WDFY4: variants seen among roughly 807,000 people sequenced by gnomAD.
WDFY4 encodes WD repeat- and FYVE domain-containing protein 4.
WDFY4 carries 169 observed loss-of-function variants against 351.9 expected under a neutral mutation model. The observed-to-expected ratio is 0.48, with a 90% confidence interval of 0.42 to 0.55. The LOEUF is 0.55. Ranked by LOEUF, WDFY4 falls within the 20% of genes least tolerant of loss-of-function variation. The probability of loss-of-function intolerance (pLI) is 0.00; values close to 1 mark genes in which losing one functional copy is unlikely to be tolerated. For synonymous variants in WDFY4, 1,622 were observed against 1,574.6 expected, an observed-to-expected ratio of 1.03 and a Z score of -0.71; for missense variants, 3,803 against 3,935.6, an observed-to-expected ratio of 0.97 and a Z score of 0.90.
chr10:48,849,808 C>T (rs1044828308), intron 39 of WDFY4, among the ~76,000 whole-genome samples: 1 of 152,162 alleles, frequency 6.6e-6, no homozygotes, highest in African/African-American at 2.4e-5. Flanking sequence ...ATTTTAATTT[C>T]ATCATATTTA....
chr10:48,696,754 A>G (rs1310537774), intron 1 of WDFY4, among the ~76,000 whole-genome samples: 1 of 152,214 alleles, frequency 6.6e-6, no homozygotes, highest in Non-Finnish European at 1.5e-5. Flanking sequence ...AGATTTTAAG[A>G]GCTTCGAGGC....
chr10:48,768,519 C>T (rs960073608), intron 13 of WDFY4, among the ~76,000 whole-genome samples: 1 of 152,170 alleles, frequency 6.6e-6, no homozygotes, highest in Non-Finnish European at 1.5e-5. Context: ...CTTCATTATC[C>T]TTCAACGCTT....
intron 60 of WDFY4, 27 bp downstream of exon 60, chr10:48,978,420 G>A (rs547084182): frequency 2.8e-5 from 43 of 1,536,738 alleles, no homozygotes; most frequent in South Asian, 2.7e-4. Flanking sequence ...GGATGTGGCC[G>A]TCCTGGCCTT....
intron 57 of WDFY4, among the ~76,000 whole-genome samples, chr10:48,971,802 A>G (rs1842350293): frequency 6.6e-6 from 1 of 152,188 alleles, no homozygotes; most frequent in Non-Finnish European, 1.5e-5. Context: ...TGTACAGGCA[A>G]CAGGCAGGTG....
intron 47 of WDFY4, among the ~76,000 whole-genome samples, chr10:48,938,479 A>G (rs1589952846): frequency 6.6e-6 from 1 of 152,258 alleles, no homozygotes; most frequent in Non-Finnish European, 1.5e-5. Flanking sequence ...CTGCTCTGCC[A>G]GCCCCCGATG....
At chr10:48,897,430 C>T (rs1292602732) in intron 44 of WDFY4, 24 bp from the exon 45 acceptor site, 13 of 1,547,568 alleles carry the variant, frequency 8.4e-6, no homozygotes, top group African/African-American at 1.4e-5. Context: ...GAACATGTGC[C>T]CTGCATGCCT....
At chr10:48,933,471 C>T (rs773270611) in intron 47 of WDFY4, among the ~76,000 whole-genome samples, 30 of 152,184 alleles carry the variant, frequency 2.0e-4, no homozygotes, top group Non-Finnish European at 4.1e-4. Flanking sequence ...GCTCTCTTGG[C>T]CGCCAGTGGC....
At chr10:48,982,254 C>T (rs1842841121) in intron 61 of WDFY4, among the ~76,000 whole-genome samples, 2 of 152,180 alleles carry the variant, frequency 1.3e-5, no homozygotes, top group African/African-American at 2.4e-5. Flanking sequence ...GGCACGGCCT[C>T]GTCCTGTTCC....
At position 48,742,875 on chromosome 10, in the gene WDFY4, A is replaced by G. The variant is rs577402241; in HGVS notation, c.1879-93A>G. On this transcript the variant is annotated intron_variant, in intron 11 of 61. Transcript: ENST00000325239. ...TTGTTGGCCTGAAGTCGTTGAGGGA[A>G]GAGCTAGTGGGACGCTCTGGCAGGA... is the stretch of plus-strand genomic sequence containing the variant. 1.8e-5 allele frequency: 22 copies of G among 1,191,064 alleles called. No individual in the cohort carries two copies. The East Asian group carries it at 5.7e-4, about 31-fold the overall frequency. 73.8% of individuals were successfully genotyped at this position (1,191,064 alleles called of 1,614,324 possible). A position where few individuals can be genotyped will look rare whatever the true frequency, so the allele number is the denominator to read the frequency against.
chr10:48,707,110 G>A (rs1375403057), intron 1 of WDFY4, among the ~76,000 whole-genome samples: 1 of 152,142 alleles, frequency 6.6e-6, no homozygotes, highest in African/African-American at 2.4e-5. Context: ...ATAAGCAAAG[G>A]TTATGAGTAG....
chr10:48,973,110 C>T (rs777545297), intron 57 of WDFY4, among the ~76,000 whole-genome samples: 1 of 152,184 alleles, frequency 6.6e-6, no homozygotes, highest in Non-Finnish European at 1.5e-5. Context: ...AGCAGGCAGA[C>T]TTGGTTCCAC....
intron 41 of WDFY4, among the ~76,000 whole-genome samples, chr10:48,874,665 T>TA (rs1439295959): frequency 2.0e-5 from 3 of 151,884 alleles, no homozygotes; most frequent in Admixed American, 1.3e-4. Flanking sequence ...AAATAAAAAA[T>TA]AAAAAAAATA....
rs748842257 is a variant in WDFY4, at chr10:48,914,065, G to A, written c.7586+12202G>A. ...ATTCCCATCTTGCTCAAGTCAAGGC[G>A]CTTTTTCCCATCAAAAGTGATTTTG... On this transcript the variant is annotated intron_variant, in intron 47 of 61. Transcript: ENST00000325239. The A allele has an allele frequency of 1.1e-5, 17 of 1,614,004 alleles. No individual in the cohort carries two copies. In the African/African-American group the frequency reaches 1.1e-4, roughly 10 times the overall value.
In WDFY4 at chr10:48,890,576, C is replaced by T. The variant is rs1445400766; in HGVS notation, c.7168-3C>T. 1.3e-6 allele frequency: 2 copies of T among 1,551,720 alleles called. No individual in the cohort carries two copies. The highest frequency in any genetic ancestry group is 1.7e-6 in the Non-Finnish European group (2 of 1,146,982). On this transcript the variant is annotated splice_region_variant and splice_polypyrimidine_tract_variant and intron_variant, in intron 43 of 61. Transcript: ENST00000325239. Reference sequence around the variant, plus strand: ...ACCTGACTCTGCCACTCTCTCCTTCCAGGTGACGCAGAAGTTCTCCCTGGT... The same window carrying T: ...ACCTGACTCTGCCACTCTCTCCTTCTAGGTGACGCAGAAGTTCTCCCTGGT...
chr10:48,830,498 G>A (rs1425677509), intron 37 of WDFY4, among the ~76,000 whole-genome samples: 1 of 152,198 alleles, frequency 6.6e-6, no homozygotes, highest in Non-Finnish European at 1.5e-5. Context: ...AGGCCAGCTT[G>A]CATGGGTGTT....
intron 2 of WDFY4, among the ~76,000 whole-genome samples, chr10:48,710,269 T>C (rs759586997): frequency 6.6e-6 from 1 of 152,202 alleles, no homozygotes; most frequent in Non-Finnish European, 1.5e-5. Context: ...CATGGCCTTA[T>C]GTAGTGGAAG....
Position 48,703,221 on chromosome 10 carries a change from ACT to A in WDFY4, c.-17-6492_-17-6491del, listed in dbSNP as rs573374711. On this transcript the variant is annotated intron_variant, in intron 1 of 61. Transcript: ENST00000325239. ...TGGAGCGCTCTAGATTGAGGCCAAG[ACT>A]CTGCTGAAAACAGGGGCGAGAGTGT... Among the ~76,000 whole-genome samples, 63 of 152,202 alleles carry A rather than the reference ACT, an allele frequency of 4.1e-4. No individual in the cohort carries two copies. In the East Asian group the frequency reaches 0.012, roughly 29 times the overall value.
At chr10:48,738,458 C>T (rs2064744854) in intron 11 of WDFY4, among the ~76,000 whole-genome samples, 1 of 152,230 alleles carries the variant, frequency 6.6e-6, no homozygotes, top group South Asian at 2.1e-4. Flanking sequence ...AGCCTGCACT[C>T]AATGTGCTAT....
At chr10:48,731,634 G>C (rs2064464057) in intron 9 of WDFY4, 72 bp downstream of exon 9, 8 of 1,459,340 alleles carry the variant, frequency 5.5e-6, no homozygotes, top group Non-Finnish European at 9.1e-7. Context: ...GGCCAATCTG[G>C]CTGCCCATCA....
Sources: allele counts gnomAD v4.1 joint callset (sites outside exome capture counted in the v4.1 genomes callset), GRCh38; gene constraint gnomAD v4.1.1; transcripts MANE v1.5; gene names NCBI Gene and HGNC (gene_info 2026-07-23, HGNC 2026-07-21).